Variants in KAT6B observed in about 807,000 individuals in gnomAD.
KAT6B encodes the protein histone acetyltransferase KAT6B.
KAT6B carries 10 observed loss-of-function variants against 187.5 expected under a neutral mutation model. The observed-to-expected ratio is 0.05, with a 90% CI of 0.03 to 0.09. KAT6B has a LOEUF of 0.09. Among genes scored for constraint, KAT6B ranks in the 10% least tolerant of loss-of-function variants. The pLI is 1.00. For missense variants in KAT6B, 1,952 were observed against 2,558.9 expected (o/e 0.76, Z 5.12); for synonymous variants, 861 against 926.8 (o/e 0.93, Z 1.29).
Position 74,995,209 on chromosome 10 carries a change from A to G in KAT6B, c.2629+6097A>G, listed in dbSNP as rs1843350147. ...CTCTTAAGTGGAGGTCAATATTTAT[A>G]TATGGTTCCTTTTGGCTTTACCCCA... On this transcript the variant is annotated intron_variant, in intron 13 of 17. Coordinates refer to ENST00000287239, the MANE Select transcript of KAT6B (RefSeq NM_012330.4). 2.0e-5 allele frequency among the ~76,000 whole-genome samples: 3 copies of G among 152,186 alleles called. No individual in the cohort carries two copies. In the South Asian group the frequency reaches 6.2e-4, roughly 31 times the overall value.
At chr10:74,978,245 G>T (rs367894134) in intron 9 of KAT6B, among the ~76,000 whole-genome samples, 1 of 152,134 alleles carries the variant, frequency 6.6e-6, no homozygotes, top group Non-Finnish European at 1.5e-5. Context: ...ATTCTGCCCC[G>T]ATCTATCAGG....
At chr10:74,976,519 T>G in intron 8 of KAT6B, 189 bp downstream of exon 8, 1 of 639,674 alleles carries the variant, frequency 1.6e-6, no homozygotes, top group Non-Finnish European at 2.8e-6. Flanking sequence ...CTCCAAAATG[T>G]TGTTTTTCCA....
At chr10:74,927,898 A>G (rs1348389691) in intron 3 of KAT6B, among the ~76,000 whole-genome samples, 3 of 152,210 alleles carry the variant, frequency 2.0e-5, no homozygotes, top group Admixed American at 2.0e-4. Flanking sequence ...TCGCAAGAGA[A>G]TACTCCACAG....
At chr10:74,977,233 A>G (rs1842216201) in intron 8 of KAT6B, 83 bp from the exon 9 acceptor site, 47 of 1,481,798 alleles carry the variant, frequency 3.2e-5, no homozygotes, top group Non-Finnish European at 4.3e-5. Flanking sequence ...CCAGTATGCT[A>G]ATTTGGTGCC....
chr10:74,915,256 A>G (rs986317275), intron 3 of KAT6B, among the ~76,000 whole-genome samples: 2 of 152,216 alleles, frequency 1.3e-5, no homozygotes, highest in African/African-American at 4.8e-5. Flanking sequence ...GGTTTTAAGA[A>G]TCATTCCATA....
chr10:74,842,556 A>G (rs1841822176), intron 2 of KAT6B, 44 bp from the exon 3 acceptor site: 1 of 572,290 alleles, frequency 1.7e-6, no homozygotes, highest in Non-Finnish European at 3.1e-6. Context: ...TTATTTGTGT[A>G]AGCTTCATTA....
At chr10:74,884,788 C>T (rs542312662) in intron 3 of KAT6B, among the ~76,000 whole-genome samples, 13 of 152,188 alleles carry the variant, frequency 8.5e-5, no homozygotes, top group Middle Eastern at 6.8e-3. Context: ...AGGCTGGTCT[C>T]GAATTCCTGA....
At chr10:74,848,697 A>G (rs917262286) in intron 3 of KAT6B, among the ~76,000 whole-genome samples, 1 of 152,118 alleles carries the variant, frequency 6.6e-6, no homozygotes, top group Non-Finnish European at 1.5e-5. Context: ...GGCACCCAAA[A>G]TGCCTAGTAG....
At chr10:74,880,002 A>T (rs1177136965) in intron 3 of KAT6B, among the ~76,000 whole-genome samples, 1 of 152,048 alleles carries the variant, frequency 6.6e-6, no homozygotes, top group Admixed American at 6.5e-5. Context: ...GTGCCATTGC[A>T]CTCTAGCCTG....
upstream of KAT6B, chr10:74,826,581 A>G (rs937791638): frequency 2.0e-5 from 3 of 151,814 alleles, no homozygotes; most frequent in Non-Finnish European, 2.9e-5. Flanking sequence ...GTTTAATGAG[A>G]CTCCATTGGG....
At chr10:74,921,371 CCCAAAGTGCTGGGATTATAGGCATGAG>C (rs1397700896) in intron 3 of KAT6B, among the ~76,000 whole-genome samples, 1 of 152,150 alleles carries the variant, frequency 6.6e-6, no homozygotes, top group African/African-American at 2.4e-5. Flanking sequence ...GCCTTGAACT[CCCAAAGTGCTGGGATTATAGGCATGAG>C]CCACCGTGCC....
chr10:75,028,982 A>T lies in KAT6B; in HGVS notation c.4158A>T (p.Lys1386Asn). ...GNVEKDPDGAKSQEKEEPEIS... is the reference protein window; with the variant it reads ...GNVEKDPDGANSQEKEEPEIS... ...TAGAAAAAGATCCAGATGGTGCTAA[A>T]AGCCAAGAAAAAGAGGAACCAGAAA... The change falls in exon 18 of 18, where the codon AAA (lysine) becomes AAT (asparagine). Residue 1386 changes from lysine to asparagine, a missense_variant. Lys to Asn is a moderately conservative substitution (Grantham distance 94, BLOSUM62 0). Coordinates refer to ENST00000287239, the MANE Select transcript of KAT6B (RefSeq NM_012330.4). 1 of 1,613,984 alleles carries T rather than the reference A, an allele frequency of 6.2e-7. No homozygotes were observed. The highest frequency in any genetic ancestry group is 8.5e-7 in the Non-Finnish European group (1 of 1,180,000).
chr10:74,858,283 A>ATTT (rs755754008), intron 3 of KAT6B, among the ~76,000 whole-genome samples: 14,504 of 134,980 alleles, frequency 0.11, 1,838 homozygotes, highest in African/African-American at 0.31. Flanking sequence ...TGGATGGGCA[A>ATTT]TTTTTTTTTT....
intron 13 of KAT6B, among the ~76,000 whole-genome samples, chr10:74,993,624 AT>A (rs1843246232): frequency 1.3e-5 from 2 of 152,174 alleles, no homozygotes; most frequent in African/African-American, 4.8e-5. Flanking sequence ...GAAAAGAAAA[AT>A]CTCCTACTCC....
chr10:74,937,733 A>G (rs1849364736), intron 3 of KAT6B, among the ~76,000 whole-genome samples: 1 of 152,222 alleles, frequency 6.6e-6, no homozygotes, highest in African/African-American at 2.4e-5. Context: ...TTAATCATTA[A>G]CTAAATGCTT....
chr10:74,854,825 T>C (rs1258441060), intron 3 of KAT6B, among the ~76,000 whole-genome samples: 1 of 152,230 alleles, frequency 6.6e-6, no homozygotes, highest in Non-Finnish European at 1.5e-5. Flanking sequence ...AGAAACAGCA[T>C]AGGCGTACAC....
In KAT6B at chr10:75,029,595, T is replaced by C; in HGVS notation, c.4771T>C (p.Cys1591Arg). The C allele has an allele frequency of 1.9e-6, 3 of 1,614,118 alleles. No homozygotes were observed. In the East Asian group the frequency reaches 6.7e-5, roughly 36 times the overall value. Residue 1591 changes from cysteine (C) to arginine (R), a missense_variant, in exon 18 of 18, where the codon TGC (cysteine) becomes CGC (arginine). Around this residue, in one of 9 missense-constraint regions of KAT6B, gnomAD observed 758 missense variants for 891.4 expected, o/e 0.85. Coordinates refer to ENST00000287239, the MANE Select transcript of KAT6B (RefSeq NM_012330.4). The surrounding 1 kb of genome is among the most constrained non-coding windows in gnomAD (Gnocchi z 6.2). ...SPQIATTLDD[C>R]QQSDHSSPVS... ...ACAGATTGCCACCACGCTCGACGAT[T>C]GCCAACAGTCGGACCACAGTAGCCC...
chr10:74,938,255 A>C (rs1035401981), intron 3 of KAT6B, among the ~76,000 whole-genome samples: 3 of 152,202 alleles, frequency 2.0e-5, no homozygotes, highest in African/African-American at 7.2e-5. Flanking sequence ...GAACCACTGT[A>C]TCAGAATCTG....
chr10:74,910,391 G>T (rs548141228), intron 3 of KAT6B, among the ~76,000 whole-genome samples: 1 of 152,044 alleles, frequency 6.6e-6, no homozygotes, highest in Non-Finnish European at 1.5e-5. Context: ...ATACCCCCTC[G>T]TGGCATTTCC....
Sources: allele counts gnomAD v4.1 joint callset (sites outside exome capture counted in the v4.1 genomes callset), GRCh38; gene constraint gnomAD v4.1.1; regional missense constraint gnomAD v4.1.1; non-coding constraint Gnocchi (gnomAD v3.1); transcripts MANE v1.5; gene names NCBI Gene and HGNC (gene_info 2026-07-23, HGNC 2026-07-21).